DIS3L2: variants seen among roughly 807,000 people sequenced by gnomAD.
The protein encoded by DIS3L2 is DIS3 like 3'-5' exoribonuclease 2.
In DIS3L2, 34 loss-of-function variants were observed where a neutral mutation model predicts 97.5. The observed-to-expected ratio is 0.35, with a 90% CI of 0.27 to 0.46. The LOEUF (loss-of-function observed/expected upper bound fraction) is 0.46. DIS3L2 is among the 20% of genes least tolerant of loss of function. DIS3L2 has a pLI of 1.00. For synonymous variants in DIS3L2, 435 were observed against 445.2 expected, an observed-to-expected ratio of 0.98 and a Z score of 0.29; for missense variants, 1,038 against 1,146.0, an observed-to-expected ratio of 0.91 and a Z score of 1.36.
intron 12 of DIS3L2, among the ~76,000 whole-genome samples, chr2:232,258,017 C>T (rs973040277): frequency 6.6e-6 from 1 of 152,168 alleles, no homozygotes; most frequent in South Asian, 2.1e-4. Context: ...ATGCACTCCT[C>T]CCAGATGTGT....
chr2:232,126,472 C>T (rs545585381), intron 6 of DIS3L2, among the ~76,000 whole-genome samples: 2 of 152,334 alleles, frequency 1.3e-5, no homozygotes, highest in South Asian at 2.1e-4. Flanking sequence ...ACACCCTTGA[C>T]CTCTGGCCTC....
At chr2:232,034,840 T>TA (rs1482234132) in intron 5 of DIS3L2, among the ~76,000 whole-genome samples, 30 of 152,348 alleles carry the variant, frequency 2.0e-4, no homozygotes, top group African/African-American at 7.2e-4. Flanking sequence ...GACTATTTGT[T>TA]AAGATTTCCA....
At chr2:232,064,005 G>T (rs1055423157) in intron 5 of DIS3L2, among the ~76,000 whole-genome samples, 4 of 151,838 alleles carry the variant, frequency 2.6e-5, no homozygotes, top group African/African-American at 7.3e-5. Flanking sequence ...CTTTTCCTGT[G>T]TATAGATGCT....
Position 232,280,734 on chromosome 2 carries a change from G to C in DIS3L2, c.1659+17294G>C, listed in dbSNP as rs144173127. Among the ~76,000 whole-genome samples the C allele has an allele frequency of 8.5e-3, 1,287 of 152,304 alleles. 23 individuals carry two copies. The highest frequency in any genetic ancestry group is 0.049 in the Admixed American group (743 of 15,296). On this transcript the variant is annotated intron_variant, in intron 13 of 20. Coordinates refer to ENST00000325385, the MANE Select transcript of DIS3L2 (RefSeq NM_152383.5). The stretch of plus-strand genomic sequence containing the variant: ...CTGTGAGATGACCAACCTCAGCCAA[G>C]CTACATAGAGGCCCTCCATACACTG...
chr2:232,046,317 A>G (rs747207701), intron 5 of DIS3L2, among the ~76,000 whole-genome samples: 2 of 152,110 alleles, frequency 1.3e-5, no homozygotes, highest in African/African-American at 2.4e-5. Flanking sequence ...TTGCCACTCA[A>G]AGTGTGGTCC....
chr2:232,282,484 C>G (rs1694317329), intron 13 of DIS3L2, among the ~76,000 whole-genome samples: 1 of 152,194 alleles, frequency 6.6e-6, no homozygotes, highest in South Asian at 2.1e-4. Flanking sequence ...TGCAAGGTTC[C>G]CAGCTACTCA....
Position 232,085,763 on chromosome 2 carries a change from A to G in DIS3L2, c.367-1724A>G, listed in dbSNP as rs569525477. 7.3e-4 allele frequency among the ~76,000 whole-genome samples: 111 copies of G among 152,270 alleles called. 1 individual carries two copies. Among genetic ancestry groups the G allele is most frequent in the African/African-American group, 2.6e-3 (108 of 41,548 alleles). On this transcript the variant is annotated intron_variant, in intron 5 of 20. Transcript: ENST00000325385. ...AGACATCAGAGTGCTGTATGTGACA[A>G]ACTCATAAAATGGATTAGTATCTGG...
At chr2:232,167,123 T>G (rs1051589287) in intron 9 of DIS3L2, among the ~76,000 whole-genome samples, 1 of 152,216 alleles carries the variant, frequency 6.6e-6, no homozygotes, top group Admixed American at 6.5e-5. Flanking sequence ...GCATTTAAAT[T>G]TTTTCTAATG....
chr2:232,330,016 C>A lies in DIS3L2; in HGVS notation c.1923+20C>A. On this transcript the variant is annotated intron_variant, in intron 15 of 20. Coordinates refer to ENST00000325385, the MANE Select transcript of DIS3L2 (RefSeq NM_152383.5). ...CTCAATGTGAGTGGTGGGCAGGATT[C>A]GGGGGAGGCCCTGCTTGGGGGAAAG... 6.3e-7 allele frequency: 1 copy of A among 1,589,890 alleles called. No homozygotes were observed. Among genetic ancestry groups the A allele is most frequent in the Non-Finnish European group, 8.6e-7 (1 of 1,165,160 alleles).
At chr2:232,062,911 C>G (rs1695752315) in intron 5 of DIS3L2, among the ~76,000 whole-genome samples, 1 of 152,092 alleles carries the variant, frequency 6.6e-6, no homozygotes. Context: ...ATCTCCAATT[C>G]TAACACAACA....
intron 9 of DIS3L2, among the ~76,000 whole-genome samples, chr2:232,179,939 T>A (rs1691218415): frequency 1.5e-5 from 2 of 132,578 alleles, no homozygotes; most frequent in Admixed American, 1.5e-4. Flanking sequence ...CTTTCTCTTA[T>A]GGGCATTTAG....
chr2:231,981,245 T>G (rs184834166), intron 1 of DIS3L2, among the ~76,000 whole-genome samples: 3 of 152,144 alleles, frequency 2.0e-5, no homozygotes, highest in Admixed American at 2.0e-4. Context: ...TGGCCAGCCT[T>G]CCTTCATGTT....
intron 14 of DIS3L2, among the ~76,000 whole-genome samples, chr2:232,306,479 AT>A (rs1363596622): frequency 1.3e-5 from 2 of 152,166 alleles, no homozygotes; most frequent in Admixed American, 1.3e-4. Context: ...CACTTCAAGC[AT>A]CTGAGAATTT....
intron 3 of DIS3L2, among the ~76,000 whole-genome samples, chr2:232,022,780 G>A (rs1450638353): frequency 2.0e-5 from 3 of 152,162 alleles, no homozygotes; most frequent in African/African-American, 4.8e-5. Flanking sequence ...CTATTCGTTA[G>A]GAAATATTTG....
intron 9 of DIS3L2, among the ~76,000 whole-genome samples, chr2:232,202,726 G>A (rs1423541948): frequency 6.6e-6 from 1 of 152,194 alleles, no homozygotes; most frequent in East Asian, 1.9e-4. Context: ...GGTGAGGCTG[G>A]GGAAGTGGAG....
chr2:232,000,290 A>T (rs1275226687), intron 1 of DIS3L2, among the ~76,000 whole-genome samples: 3 of 152,150 alleles, frequency 2.0e-5, no homozygotes, highest in Non-Finnish European at 2.9e-5. Context: ...GAATTCATGG[A>T]TACAGAGAGA....
chr2:232,280,484 G>A (rs990553034), intron 13 of DIS3L2, among the ~76,000 whole-genome samples: 4 of 152,226 alleles, frequency 2.6e-5, no homozygotes, highest in Non-Finnish European at 4.4e-5. Context: ...CCGATTACAT[G>A]TGAACACCCA....
intron 9 of DIS3L2, among the ~76,000 whole-genome samples, chr2:232,167,224 G>A (rs1347774268): frequency 6.6e-6 from 1 of 151,900 alleles, no homozygotes; most frequent in Non-Finnish European, 1.5e-5. Context: ...ACTAATGCTT[G>A]TCTTTATTTT....
chr2:232,300,768 C>A (rs10804382), intron 14 of DIS3L2, among the ~76,000 whole-genome samples: 5 of 151,500 alleles, frequency 3.3e-5, no homozygotes, highest in African/African-American at 4.9e-5. Context: ...GATCCTCCCA[C>A]CTGTTTCCCG....
Sources: gnomAD v4.1 joint callset for allele counts (sites outside exome capture counted in the v4.1 genomes callset) on GRCh38, gnomAD v4.1.1 for gene constraint, MANE v1.5 for transcripts, NCBI Gene and HGNC (gene_info 2026-07-23, HGNC 2026-07-21) for gene names.